Variants in SCGN observed in about 807,000 individuals in gnomAD.
SCGN encodes secretagogin.
Under a neutral mutation model 39.7 loss-of-function variants are expected in SCGN, and 30 were observed. That is an observed-to-expected ratio of 0.76 (90% CI 0.57 to 1.03). The LOEUF is 1.03. SCGN is among the 50% of genes least tolerant of loss of function. The pLI is 0.00. For synonymous variants in SCGN, 106 were observed against 114.1 expected, an observed-to-expected ratio of 0.93 and a Z score of 0.45; for missense variants, 353 against 349.4, an observed-to-expected ratio of 1.01 and a Z score of -0.08.
chr6:25,656,488 C>G (rs1561759363), intron 2 of SCGN, among the ~76,000 whole-genome samples: 1 of 152,200 alleles, frequency 6.6e-6, no homozygotes, highest in Non-Finnish European at 1.5e-5. Flanking sequence ...GCTGCAATTG[C>G]TGCTGTTTCT....
chr6:25,659,031 G>A (rs9467553), intron 2 of SCGN, among the ~76,000 whole-genome samples: 1,942 of 152,170 alleles, frequency 0.013, 26 homozygotes, highest in African/African-American at 0.035. Flanking sequence ...ATTATAACCC[G>A]ACATCAAACA....
intron 6 of SCGN, among the ~76,000 whole-genome samples, chr6:25,680,781 A>C (rs988719879): frequency 2.6e-5 from 4 of 152,224 alleles, no homozygotes; most frequent in African/African-American, 9.6e-5. Context: ...CAAATGTATA[A>C]AAATGTAACC....
At chr6:25,672,247 T>G (rs554177105) in intron 6 of SCGN, among the ~76,000 whole-genome samples, 1 of 152,338 alleles carries the variant, frequency 6.6e-6, no homozygotes, top group South Asian at 2.1e-4. Flanking sequence ...TCATTACATA[T>G]CTACTATGCC....
In SCGN at chr6:25,701,292, A is replaced by C; in HGVS notation, c.788A>C (p.Lys263Thr). Residue 263 changes from lysine (K) to threonine (T), a missense_variant, in exon 11 of 11, where the codon AAG (lysine) becomes ACG (threonine). Physicochemically the swap from Lys to Thr is moderately conservative, Grantham distance 78. Transcript: ENST00000377961. ...GTGAACAAGGATGGAAAAATTCAGA[A>C]GTCTGAGCTGGCTTTGTGTCTTGGG... ...CDVNKDGKIQKSELALCLGLK... is the reference protein window; with the variant it reads ...CDVNKDGKIQTSELALCLGLK... 2 of 1,613,562 alleles carry C rather than the reference A, an allele frequency of 1.2e-6. No homozygotes were observed. The highest frequency in any genetic ancestry group is 2.2e-5 in the South Asian group (2 of 90,892).
chr6:25,664,074 A>G (rs1382468407), intron 3 of SCGN, among the ~76,000 whole-genome samples: 2 of 152,212 alleles, frequency 1.3e-5, no homozygotes, highest in Admixed American at 6.5e-5. Flanking sequence ...AACCTGAAAA[A>G]AAGTATTATA....
At chr6:25,672,049 C>T (rs922416212) in intron 6 of SCGN, among the ~76,000 whole-genome samples, 1 of 152,206 alleles carries the variant, frequency 6.6e-6, no homozygotes, top group Non-Finnish European at 1.5e-5. Flanking sequence ...AGCTTCCCCC[C>T]TCACCAACTT....
chr6:25,652,432 G>A lies in SCGN; in HGVS notation c.29G>A (p.Gly10Glu). 6.2e-7 allele frequency: 1 copy of A among 1,614,170 alleles called. No individual in the cohort carries two copies. Among genetic ancestry groups the A allele is most frequent in the Non-Finnish European group, 8.5e-7 (1 of 1,180,030 alleles). The change falls in exon 1 of 11, where the codon GGG (glycine) becomes GAG (glutamate). Residue 10 changes from glycine (G) to glutamate (E), a missense_variant. Transcript: ENST00000377961. MDSSREPTL[G>E]RLDAAGFWQV... is the part of the protein sequence containing the mutation. ...GACAGCTCCCGGGAACCGACTCTGG[G>A]GCGCTTGGACGCCGCTGGCTTCTGG...
intron 9 of SCGN, among the ~76,000 whole-genome samples, chr6:25,689,926 A>T (rs1461311307): frequency 6.6e-6 from 1 of 152,190 alleles, no homozygotes; most frequent in East Asian, 1.9e-4. Context: ...TTCTTGTAGA[A>T]CCAATTATTT....
Position 25,701,341 on chromosome 6 carries a change from G to A in SCGN, c.*6G>A, listed in dbSNP as rs1376384516. ...GGCTGAAAATCAACCCATAATCCCA[G>A]ACTGCTTTGCCTTTTGCTCTTACTA... is the stretch of plus-strand genomic sequence containing the variant. On this transcript the variant is annotated 3_prime_UTR_variant, in exon 11 of 11. Transcript: ENST00000377961. 1 of 1,610,088 alleles carries A rather than the reference G, an allele frequency of 6.2e-7. No individual in the cohort carries two copies. The highest frequency in any genetic ancestry group is 8.5e-7 in the Non-Finnish European group (1 of 1,178,338).
chr6:25,672,802 T>C (rs531983650), intron 6 of SCGN, among the ~76,000 whole-genome samples: 2 of 152,308 alleles, frequency 1.3e-5, no homozygotes, highest in East Asian at 3.9e-4. Context: ...GAGAGGCCAT[T>C]GTTGCCATCC....
At position 25,671,135 on chromosome 6, in the gene SCGN, C is replaced by T. The variant is rs149276170; in HGVS notation, c.471+1059C>T. On this transcript the variant is annotated intron_variant, in intron 6 of 10. Transcript: ENST00000377961. ...GTTAAAATGTGTACCACCAGGTTGA[C>T]ATATTTAGGCTTTTAATTGGTGTTT... Among the ~76,000 whole-genome samples the T allele has an allele frequency of 3.3e-5, 5 of 152,256 alleles. No homozygotes were observed. In the East Asian group the frequency reaches 9.6e-4, roughly 29 times the overall value.
At chr6:25,665,559 C>T (rs933443133) in intron 4 of SCGN, among the ~76,000 whole-genome samples, 1 of 152,178 alleles carries the variant, frequency 6.6e-6, no homozygotes, top group African/African-American at 2.4e-5. Context: ...GTATCAATGG[C>T]CTCTCTTACC....
chr6:25,665,163 C>A (rs952570887), intron 4 of SCGN, 131 bp downstream of exon 4: 3 of 643,170 alleles, frequency 4.7e-6, no homozygotes, highest in Admixed American at 3.0e-5. Flanking sequence ...TAAGACCAAG[C>A]AAAAAATGCC....
rs1250486575 is a variant in SCGN, at chr6:25,659,094, C to G, written c.154-2458C>G. Among the ~76,000 whole-genome samples, 9 of 152,294 alleles carry G rather than the reference C, an allele frequency of 5.9e-5. No individual in the cohort carries two copies. The East Asian group carries it at 1.4e-3, about 23-fold the overall frequency. On this transcript the variant is annotated intron_variant, in intron 2 of 10. Transcript: ENST00000377961. The stretch of plus-strand genomic sequence containing the variant: ...AGTTGGTACGATGGATGACAATTAT[C>G]AGGGGCTGAGGTCTAGCATAATGCC...
chr6:25,664,747 A>C (rs1760397756), intron 3 of SCGN, among the ~76,000 whole-genome samples, 196 bp from the exon 4 acceptor site: 2 of 152,142 alleles, frequency 1.3e-5, no homozygotes, highest in Non-Finnish European at 2.9e-5. Flanking sequence ...ACTTAGTAGG[A>C]GTGTGTTACT....
intron 9 of SCGN, among the ~76,000 whole-genome samples, chr6:25,690,578 A>C (rs915710226): frequency 6.6e-6 from 1 of 152,222 alleles, no homozygotes; most frequent in African/African-American, 2.4e-5. Flanking sequence ...AAAAAAATAA[A>C]GGGTCTCATG....
intron 10 of SCGN, 66 bp downstream of exon 10, chr6:25,691,190 TG>T (rs1561769899): frequency 3.3e-6 from 4 of 1,200,764 alleles, no homozygotes; most frequent in Non-Finnish European, 4.9e-6. Context: ...TGTTTATTTG[TG>T]GGAATCAGTG....
At chr6:25,660,144 A>G (rs1760311736) in intron 2 of SCGN, among the ~76,000 whole-genome samples, 1 of 152,148 alleles carries the variant, frequency 6.6e-6, no homozygotes, top group East Asian at 1.9e-4. Flanking sequence ...CCAGGGAGAT[A>G]ATATTTGTTA....
At chr6:25,683,781 G>A (rs1291527866) in intron 7 of SCGN, among the ~76,000 whole-genome samples, 1 of 152,176 alleles carries the variant, frequency 6.6e-6, no homozygotes, top group Non-Finnish European at 1.5e-5. Flanking sequence ...ATGATTTTAT[G>A]AAATAATAAG....
Sources: gnomAD v4.1 joint callset for allele counts (sites outside exome capture counted in the v4.1 genomes callset) on GRCh38, gnomAD v4.1.1 for gene constraint, MANE v1.5 for transcripts, NCBI Gene and HGNC (gene_info 2026-07-23, HGNC 2026-07-21) for gene names.